ESRRG: variants seen among roughly 807,000 people sequenced by gnomAD.
ESRRG encodes estrogen related receptor gamma, also known as estrogen-related receptor gamma.
Under a neutral mutation model 44.0 loss-of-function variants are expected in ESRRG, and 13 were observed. The ratio of observed to expected loss-of-function variants is 0.30; its 90% CI spans 0.19 to 0.47. ESRRG has a LOEUF of 0.47. Ranked by LOEUF, ESRRG falls within the 20% of genes least tolerant of loss-of-function variation. The pLI is 1.00. For synonymous variants in ESRRG, 215 were observed against 214.6 expected (o/e 1.00, Z -0.02); for missense variants, 395 against 580.6 (o/e 0.68, Z 3.29).
At chr1:216,705,832 C>T (rs1245337432) in intron 1 of ESRRG, among the ~76,000 whole-genome samples, 1 of 152,202 alleles carries the variant, frequency 6.6e-6, no homozygotes, top group Non-Finnish European at 1.5e-5. Context: ...CTATTGCAGT[C>T]ACCAGATGGA....
chr1:216,670,510 C>T (rs756746429), intron 2 of ESRRG, among the ~76,000 whole-genome samples: 2 of 152,186 alleles, frequency 1.3e-5, no homozygotes, highest in Non-Finnish European at 2.9e-5. Flanking sequence ...AAAGATCCCA[C>T]TCAAAGTGTG....
rs1002259912 is a variant in ESRRG, at chr1:216,860,475, C to T, written c.-14+79107G>A. ...ATCATAACCTAGTTGTTCAGAATGACTGATAAAGTATAAAATCTTAAAAGT... is the reference window on the plus strand; with the variant it reads ...ATCATAACCTAGTTGTTCAGAATGATTGATAAAGTATAAAATCTTAAAAGT... On this transcript the variant is annotated intron_variant, in intron 2 of 7. Coordinates refer to the ESRRG transcript ENST00000359162. Among the ~76,000 whole-genome samples the T allele has an allele frequency of 1.6e-4, 24 of 151,996 alleles. No homozygotes were observed. The South Asian group carries it at 1.7e-3, about 10-fold the overall frequency.
At chr1:216,578,648 A>G (rs922750239) in intron 3 of ESRRG, among the ~76,000 whole-genome samples, 5 of 152,188 alleles carry the variant, frequency 3.3e-5, no homozygotes, top group African/African-American at 1.2e-4. Context: ...AACCAACTCT[A>G]TATACCATTA....
At chr1:216,785,427 G>A (rs2094091689) in intron 2 of ESRRG, among the ~76,000 whole-genome samples, 1 of 152,020 alleles carries the variant, frequency 6.6e-6, no homozygotes, top group South Asian at 2.1e-4. Flanking sequence ...AAGCCCTTAT[G>A]GTGGTCAGTA....
chr1:216,703,179 G>T (rs1172395371), intron 1 of ESRRG, among the ~76,000 whole-genome samples: 3 of 151,764 alleles, frequency 2.0e-5, no homozygotes, highest in African/African-American at 7.3e-5. Context: ...TACTGTTCTT[G>T]CAGTTAACCA....
At chr1:216,567,227 T>C (rs950534281) in intron 4 of ESRRG, among the ~76,000 whole-genome samples, 3 of 152,214 alleles carry the variant, frequency 2.0e-5, no homozygotes, top group Non-Finnish European at 4.4e-5. Flanking sequence ...GCTAGTTCTG[T>C]TGCACTACAA....
At chr1:217,047,933 G>A (rs1221995622) in intron 1 of ESRRG, among the ~76,000 whole-genome samples, 1 of 152,202 alleles carries the variant, frequency 6.6e-6, no homozygotes, top group Non-Finnish European at 1.5e-5. Flanking sequence ...CCAGACCACG[G>A]TATCGGGGAA....
intron 1 of ESRRG, among the ~76,000 whole-genome samples, chr1:216,977,809 A>AGGCCATGG (rs2073239176): frequency 6.6e-6 from 1 of 152,174 alleles, no homozygotes; most frequent in Non-Finnish European, 1.5e-5. Flanking sequence ...AGAGGTGATC[A>AGGCCATGG]GGCCATGGGT....
rs1351367690 is a variant in ESRRG at position 216,506,825 on chromosome 1, G to T, written c.*114C>A. The T allele has an allele frequency of 1.7e-6, 2 of 1,149,080 alleles. No homozygotes were observed. Among genetic ancestry groups the T allele is most frequent in the Non-Finnish European group, 2.5e-6 (2 of 802,398 alleles). 71.2% of individuals were successfully genotyped at this position (1,149,080 alleles called of 1,614,324 possible). On this transcript the variant is annotated 3_prime_UTR_variant, in exon 7 of 7. Transcript: ENST00000408911. ...ATAGTCTTGCTGCTAAATTATCAGT[G>T]CAGTCTGTTGATTTTTGATGTTGTT...
chr1:216,677,861 G>A (rs1315455072), intron 1 of ESRRG, among the ~76,000 whole-genome samples: 1 of 152,140 alleles, frequency 6.6e-6, no homozygotes, highest in Non-Finnish European at 1.5e-5. Context: ...CTCAACTCTA[G>A]ATTCTAAATT....
intron 1 of ESRRG, among the ~76,000 whole-genome samples, chr1:216,952,988 T>C (rs2067236246): frequency 6.6e-6 from 1 of 152,162 alleles, no homozygotes; most frequent in African/African-American, 2.4e-5. Flanking sequence ...GTCTACAATC[T>C]GCATATGTAT....
At chr1:216,633,844 G>A (rs2064744729) in intron 3 of ESRRG, among the ~76,000 whole-genome samples, 1 of 152,200 alleles carries the variant, frequency 6.6e-6, no homozygotes, top group South Asian at 2.1e-4. Context: ...TTAAGAGATG[G>A]ATAAAAGGAA....
At position 216,670,887 on chromosome 1, in the gene ESRRG, T is replaced by C. The variant is rs573241046; in HGVS notation, c.472+6189A>G. On this transcript the variant is annotated intron_variant, in intron 2 of 6. Transcript: ENST00000408911. The stretch of plus-strand genomic sequence containing the variant: ...CCTCTCACTGACAGAAAATTGTTCC[T>C]TGGAGTCAAAGACTGACCAATAAAA... Among the ~76,000 whole-genome samples, 133 of 152,184 alleles carry C rather than the reference T, an allele frequency of 8.7e-4. 1 individual carries two copies. Among genetic ancestry groups the C allele is most frequent in the Admixed American group, 2.5e-3 (38 of 15,276 alleles).
rs549791388 is a variant in ESRRG, at chr1:216,894,224, A to G, written c.-14+45358T>C. On this transcript the variant is annotated intron_variant, in intron 2 of 7. Coordinates refer to the ESRRG transcript ENST00000359162. The stretch of plus-strand genomic sequence containing the variant: ...GCTATAACTATGGGTCAGATCAGGA[A>G]ACTATGACCTGGTAGTGAATTTCAT... Among the ~76,000 whole-genome samples, 5 of 152,286 alleles carry G rather than the reference A, an allele frequency of 3.3e-5. No individual in the cohort carries two copies. In the South Asian group the frequency reaches 8.3e-4, roughly 25 times the overall value.
chr1:217,116,601 A>G (rs1238053763), intron 1 of ESRRG, among the ~76,000 whole-genome samples: 1 of 152,228 alleles, frequency 6.6e-6, no homozygotes, highest in Non-Finnish European at 1.5e-5. Flanking sequence ...ATTTCCTGTT[A>G]TAATTTTGAC....
chr1:216,764,766 T>A (rs1230961371), intron 2 of ESRRG, among the ~76,000 whole-genome samples: 1 of 152,144 alleles, frequency 6.6e-6, no homozygotes, highest in Non-Finnish European at 1.5e-5. Flanking sequence ...TCATTTAACC[T>A]CTGATCATTC....
At chr1:217,105,035 C>T (rs887876573) in intron 1 of ESRRG, among the ~76,000 whole-genome samples, 2 of 152,286 alleles carry the variant, frequency 1.3e-5, no homozygotes, top group Admixed American at 6.5e-5. Context: ...TACCTATACT[C>T]TGTGACCCTC....
intron 3 of ESRRG, among the ~76,000 whole-genome samples, chr1:216,628,054 C>A (rs1349465051): frequency 2.0e-5 from 3 of 152,152 alleles, no homozygotes; most frequent in African/African-American, 4.8e-5. Context: ...TGATGGTGTA[C>A]TTTCTTCAGA....
chr1:216,880,978 T>G (rs756403869), intron 2 of ESRRG, among the ~76,000 whole-genome samples: 6 of 152,102 alleles, frequency 3.9e-5, no homozygotes, highest in Non-Finnish European at 8.8e-5. Context: ...AAAATATAAA[T>G]ATTAATTGAA....
Sources: gnomAD v4.1 joint callset for allele counts (sites outside exome capture counted in the v4.1 genomes callset) on GRCh38, gnomAD v4.1.1 for gene constraint, MANE v1.5 for transcripts, NCBI Gene and HGNC (gene_info 2026-07-23, HGNC 2026-07-21) for gene names.